The following PPARGC1A variants were observed in gnomAD, a reference collection of about 807,000 sequenced individuals.
PPARGC1A encodes PPARG coactivator 1 alpha.
In PPARGC1A, 25 loss-of-function variants were observed where a neutral mutation model predicts 88.7. The observed-to-expected ratio is 0.28, with a 90% CI of 0.21 to 0.39. The LOEUF is 0.39. Ranked by LOEUF, PPARGC1A falls within the 10% of genes least tolerant of loss-of-function variation. PPARGC1A has a pLI of 1.00. For synonymous variants in PPARGC1A, 363 were observed against 355.6 expected, an observed-to-expected ratio of 1.02 and a Z score of -0.24; for missense variants, 880 against 968.7, an observed-to-expected ratio of 0.91 and a Z score of 1.22.
chr4:24,124,061 G>T, the PPARGC1A span, among the ~76,000 whole-genome samples: 1 of 152,214 alleles, frequency 6.6e-6, no homozygotes, highest in African/African-American at 2.4e-5. Flanking sequence ...AACCATTAGG[G>T]CTCTTTCTAC....
the PPARGC1A span, among the ~76,000 whole-genome samples, chr4:24,299,886 C>G: frequency 6.6e-6 from 1 of 152,156 alleles, no homozygotes; most frequent in African/African-American, 2.4e-5. Context: ...TATGTATATT[C>G]ATTGTATATT....
the PPARGC1A span, among the ~76,000 whole-genome samples, chr4:24,376,691 A>G: frequency 6.6e-6 from 1 of 152,214 alleles, no homozygotes; most frequent in Middle Eastern, 3.2e-3. Flanking sequence ...GAAGACTATT[A>G]GGGAAATACT....
the PPARGC1A span, among the ~76,000 whole-genome samples, chr4:24,341,094 A>G: frequency 6.6e-6 from 1 of 152,178 alleles, no homozygotes; most frequent in Non-Finnish European, 1.5e-5. Context: ...CAAAAATCTC[A>G]AGAAAATATA....
At chr4:23,933,202 A>G in the PPARGC1A span, among the ~76,000 whole-genome samples, 1 of 152,164 alleles carries the variant, frequency 6.6e-6, no homozygotes, top group Non-Finnish European at 1.5e-5. Context: ...AACAACCACA[A>G]AGAATGAAGT....
the PPARGC1A span, among the ~76,000 whole-genome samples, chr4:24,029,903 T>C: frequency 6.6e-6 from 1 of 152,166 alleles, no homozygotes; most frequent in Non-Finnish European, 1.5e-5. Context: ...TTTGGGGGGA[T>C]GGCATATGCT....
At chr4:23,823,864 A>C (rs1358076649) in intron 7 of PPARGC1A, among the ~76,000 whole-genome samples, 3 of 152,140 alleles carry the variant, frequency 2.0e-5, no homozygotes, top group Non-Finnish European at 4.4e-5. Flanking sequence ...ACCACGGTGC[A>C]GGTAGGCACC....
the PPARGC1A span, among the ~76,000 whole-genome samples, chr4:23,938,507 T>C: frequency 6.6e-6 from 1 of 152,142 alleles, no homozygotes; most frequent in Non-Finnish European, 1.5e-5. Flanking sequence ...AGAGAAAAAC[T>C]GACTCTGCAA....
the PPARGC1A span, among the ~76,000 whole-genome samples, chr4:24,247,409 T>G: frequency 6.6e-6 from 1 of 152,224 alleles, no homozygotes; most frequent in African/African-American, 2.4e-5. Context: ...CTCCGTTTAC[T>G]TCCGGTTCGT....
chr4:24,464,341 A>G, the PPARGC1A span, among the ~76,000 whole-genome samples: 1 of 152,234 alleles, frequency 6.6e-6, no homozygotes, highest in African/African-American at 2.4e-5. Flanking sequence ...GATAACATCT[A>G]TTTTCAGCAA....
At chr4:24,273,308 T>A in the PPARGC1A span, among the ~76,000 whole-genome samples, 1 of 152,200 alleles carries the variant, frequency 6.6e-6, no homozygotes, top group African/African-American at 2.4e-5. Flanking sequence ...ATTCACAACA[T>A]GTTTGTTATA....
chr4:23,912,950 G>A, the PPARGC1A span, among the ~76,000 whole-genome samples: 5 of 150,632 alleles, frequency 3.3e-5, no homozygotes, highest in South Asian at 2.1e-4. Context: ...CACCACGCCC[G>A]GCTAATTTCG....
At chr4:24,254,283 T>A in the PPARGC1A span, among the ~76,000 whole-genome samples, 1 of 152,174 alleles carries the variant, frequency 6.6e-6, no homozygotes, top group Admixed American at 6.5e-5. Context: ...TAAGAAAATA[T>A]GTGAGATATT....
the PPARGC1A span, among the ~76,000 whole-genome samples, chr4:24,061,930 G>A: frequency 1.3e-5 from 2 of 152,098 alleles, no homozygotes; most frequent in African/African-American, 4.8e-5. Flanking sequence ...ATTTAATGTT[G>A]TTTACTTTAC....
the PPARGC1A span, among the ~76,000 whole-genome samples, chr4:23,913,167 TATATG>T: frequency 6.9e-6 from 1 of 144,660 alleles, no homozygotes; most frequent in Admixed American, 7.1e-5. Context: ...TCTCAACTGA[TATATG>T]ATATATATCA....
the PPARGC1A span, among the ~76,000 whole-genome samples, chr4:24,036,674 GAACA>G: frequency 6.6e-6 from 1 of 151,904 alleles, no homozygotes; most frequent in African/African-American, 2.4e-5. Flanking sequence ...TGAAGTATAA[GAACA>G]GACAGACAAA....
upstream of PPARGC1A, among the ~76,000 whole-genome samples, chr4:23,907,876 A>C (rs1161319368): frequency 6.6e-6 from 1 of 152,198 alleles, no homozygotes; most frequent in African/African-American, 2.4e-5. Flanking sequence ...TCAGGAATGC[A>C]CAAACATGTA....
chr4:24,091,576 G>T, the PPARGC1A span: 1 of 985,352 alleles, frequency 1.0e-6, no homozygotes, highest in Non-Finnish European at 1.2e-6. Flanking sequence ...GCCAGCGGCT[G>T]TTACTCTCTC....
the PPARGC1A span, among the ~76,000 whole-genome samples, chr4:23,997,284 C>T: frequency 3.3e-5 from 5 of 151,940 alleles, no homozygotes; most frequent in African/African-American, 7.3e-5. Flanking sequence ...GAAGGCAAAA[C>T]GTCTATCTAT....
the PPARGC1A span, among the ~76,000 whole-genome samples, chr4:23,910,246 A>AATATATATTATATATAATATATATAT: frequency 9.5e-6 from 1 of 105,120 alleles, no homozygotes; most frequent in South Asian, 2.4e-4. Context: ...AATATATATA[A>AATATATATTATATATAATATATATAT]ATATATATTA....
Sources: allele counts gnomAD v4.1 joint callset (sites outside exome capture counted in the v4.1 genomes callset), GRCh38; gene constraint gnomAD v4.1.1; transcripts MANE v1.5; gene names NCBI Gene and HGNC (gene_info 2026-07-23, HGNC 2026-07-21).